Variants in JAM3 observed in about 807,000 individuals in gnomAD.
The protein encoded by JAM3 is junctional adhesion molecule C.
A neutral mutation model predicts 39.4 loss-of-function variants in JAM3; 31 were observed. The ratio of observed to expected loss-of-function variants is 0.79; its 90% CI spans 0.59 to 1.06. JAM3 has a LOEUF of 1.06. Ranked by LOEUF, JAM3 falls within the 50% of genes least tolerant of loss-of-function variation. The probability of loss-of-function intolerance (pLI) is 0.00; values close to 1 mark genes in which losing one functional copy is unlikely to be tolerated. For synonymous variants in JAM3, 182 were observed against 148.7 expected, an observed-to-expected ratio of 1.22 and a Z score of -1.63; for missense variants, 455 against 391.4, an observed-to-expected ratio of 1.16 and a Z score of -1.37.
intron 1 of JAM3, among the ~76,000 whole-genome samples, chr11:134,083,637 T>G (rs1018124568): frequency 6.6e-6 from 1 of 152,158 alleles, no homozygotes; most frequent in African/African-American, 2.4e-5. Flanking sequence ...TTCTAATGTG[T>G]GAACAGCATC....
chr11:134,114,262 C>T (rs984650652), intron 1 of JAM3, among the ~76,000 whole-genome samples: 2 of 152,186 alleles, frequency 1.3e-5, no homozygotes, highest in Non-Finnish European at 2.9e-5. Flanking sequence ...GACATGAAGT[C>T]CTTGCCCATG....
chr11:134,104,490 C>G (rs1942142141), intron 1 of JAM3, among the ~76,000 whole-genome samples: 1 of 151,772 alleles, frequency 6.6e-6, no homozygotes. Flanking sequence ...TAGCAGAAGG[C>G]AAGAAATAAC....
intron 1 of JAM3, among the ~76,000 whole-genome samples, chr11:134,089,265 G>C (rs1215541860): frequency 6.6e-6 from 1 of 152,036 alleles, no homozygotes; most frequent in Non-Finnish European, 1.5e-5. Flanking sequence ...TTGTTTGGTT[G>C]TTTAATTCCA....
At chr11:134,070,907 A>G (rs1941475257) in intron 1 of JAM3, among the ~76,000 whole-genome samples, 1 of 152,182 alleles carries the variant, frequency 6.6e-6, no homozygotes, top group South Asian at 2.1e-4. Context: ...GGAAGAATCA[A>G]ATTTTGCAAA....
intron 1 of JAM3, among the ~76,000 whole-genome samples, chr11:134,124,677 C>T (rs1229091457): frequency 6.6e-6 from 1 of 151,330 alleles, no homozygotes; most frequent in Non-Finnish European, 1.5e-5. Context: ...TTCCTTGATG[C>T]CTAATTTTAC....
intron 5 of JAM3, chr11:134,145,311 T>G (rs1943052508): frequency 2.2e-6 from 1 of 455,852 alleles, no homozygotes; most frequent in Non-Finnish European, 4.0e-6. Flanking sequence ...GATTACTAGG[T>G]GGTATTTGAT....
chr11:134,105,087 C>T (rs1462535045), intron 1 of JAM3, among the ~76,000 whole-genome samples: 4 of 152,114 alleles, frequency 2.6e-5, no homozygotes, highest in Admixed American at 2.6e-4. Context: ...TGATCAACAT[C>T]GATGCAAAAA....
At chr11:134,112,497 TTATA>T (rs1400567738) in intron 1 of JAM3, among the ~76,000 whole-genome samples, 1 of 152,166 alleles carries the variant, frequency 6.6e-6, no homozygotes, top group Non-Finnish European at 1.5e-5. Context: ...ATTATATAAA[TTATA>T]TATGCTGACA....
chr11:134,124,290 T>G (rs1942596934), intron 1 of JAM3: 1 of 885,982 alleles, frequency 1.1e-6, no homozygotes, highest in Admixed American at 1.7e-5. Context: ...AAAACGCATG[T>G]TCTCACAGGA....
intron 1 of JAM3, among the ~76,000 whole-genome samples, chr11:134,081,790 C>T (rs1941669862): frequency 6.6e-6 from 1 of 152,184 alleles, no homozygotes; most frequent in Admixed American, 6.5e-5. Flanking sequence ...CTCCAGACCC[C>T]AGAATGATAG....
chr11:134,083,582 T>C (rs187822057), intron 1 of JAM3, among the ~76,000 whole-genome samples: 1 of 152,326 alleles, frequency 6.6e-6, no homozygotes, highest in East Asian at 1.9e-4. Context: ...GTACATTTCC[T>C]ACATGCAGAG....
At chr11:134,109,461 T>C (rs1942269396) in intron 1 of JAM3, among the ~76,000 whole-genome samples, 1 of 152,254 alleles carries the variant, frequency 6.6e-6, no homozygotes, top group African/African-American at 2.4e-5. Flanking sequence ...TTTTTGTTAT[T>C]TGCTTTTGCA....
intron 1 of JAM3, among the ~76,000 whole-genome samples, chr11:134,069,632 C>T (rs1260029656): frequency 6.6e-6 from 1 of 152,114 alleles, no homozygotes; most frequent in Non-Finnish European, 1.5e-5. Context: ...CCCTCCCGGG[C>T]GGTGGGCACG....
chr11:134,146,221 G>A (rs1943068125), intron 6 of JAM3, among the ~76,000 whole-genome samples, 176 bp downstream of exon 6: 1 of 152,172 alleles, frequency 6.6e-6, no homozygotes, highest in African/African-American at 2.4e-5. Flanking sequence ...AGAAAACCGA[G>A]TCCAGATAAG....
chr11:134,096,884 C>G (rs1034296651), intron 1 of JAM3, among the ~76,000 whole-genome samples: 1 of 152,162 alleles, frequency 6.6e-6, no homozygotes, highest in African/African-American at 2.4e-5. Context: ...TTCACCAAAT[C>G]TAGCAAATCT....
intron 1 of JAM3, among the ~76,000 whole-genome samples, chr11:134,121,757 C>G (rs1470780066): frequency 6.6e-6 from 1 of 151,834 alleles, no homozygotes; most frequent in Admixed American, 6.6e-5. Flanking sequence ...AATACAGAAC[C>G]AGGAATGTAA....
chr11:134,106,397 G>A (rs1316340770), intron 1 of JAM3, among the ~76,000 whole-genome samples: 5 of 152,008 alleles, frequency 3.3e-5, no homozygotes, highest in African/African-American at 1.2e-4. Flanking sequence ...AAAAACCCTA[G>A]AAGAAAACCT....
chr11:134,072,602 G>A (rs1325932093), intron 1 of JAM3, among the ~76,000 whole-genome samples: 3 of 152,298 alleles, frequency 2.0e-5, no homozygotes, highest in South Asian at 4.1e-4. Context: ...GAGCCACCAC[G>A]CCCAGCTGGA....
In JAM3 at chr11:134,127,560, C is replaced by T. The variant is rs151322933; in HGVS notation, c.77-12291C>T. On this transcript the variant is annotated intron_variant, in intron 1 of 8. Transcript: ENST00000299106. ...TTAAAAATACAAAAAATTAGCCGGA[C>T]GTGGTGGCACATGTCTGTAGTCCCA... Among the ~76,000 whole-genome samples the T allele has an allele frequency of 1.1e-3, 167 of 152,212 alleles. 2 individuals are homozygous for T. In the East Asian group the frequency reaches 0.023, roughly 21 times the overall value.
Sources: gnomAD v4.1 joint callset for allele counts (sites outside exome capture counted in the v4.1 genomes callset) on GRCh38, gnomAD v4.1.1 for gene constraint, MANE v1.5 for transcripts, NCBI Gene and HGNC (gene_info 2026-07-23, HGNC 2026-07-21) for gene names.